Variants in MKS1 observed in about 807,000 individuals in gnomAD.
MKS1 encodes tectonic-like complex member MKS1.
In MKS1, 70 loss-of-function variants were observed where a neutral mutation model predicts 83.7. The observed-to-expected ratio is 0.84, with a 90% CI of 0.69 to 1.02. The LOEUF is 1.02. Among genes scored for constraint, MKS1 ranks in the 50% least tolerant of loss-of-function variants. MKS1 has a pLI of 0.00. For missense variants in MKS1, 681 were observed against 726.9 expected (o/e 0.94, Z 0.73); for synonymous variants, 251 against 273.4 (o/e 0.92, Z 0.81).
intron 8 of MKS1, 111 bp from the exon 9 acceptor site, chr17:58,212,545 G>A: frequency 2.5e-5 from 30 of 1,200,664 alleles, no homozygotes; most frequent in Non-Finnish European, 3.7e-5. Context: ...AAGAGCTGGA[G>A]GCGTAAGCAC....
At chr17:58,210,790 C>T (rs1968827908) in intron 10 of MKS1, 66 bp from the exon 11 acceptor site, 2 of 1,528,924 alleles carry the variant, frequency 1.3e-6, no homozygotes, top group Non-Finnish European at 1.8e-6. Flanking sequence ...CAACCCAATC[C>T]TGAGGGGCCT....
intron 9 of MKS1, among the ~76,000 whole-genome samples, chr17:58,211,949 T>C (rs68117086): frequency 0.33 from 49,602 of 152,022 alleles, 8,254 homozygotes; most frequent in African/African-American, 0.37. Context: ...AATATCCACA[T>C]GAAAGGTGAA....
intron 7 of MKS1, 48 bp downstream of exon 7, chr17:58,213,717 C>A (rs1969017652): frequency 6.9e-7 from 1 of 1,445,542 alleles, no homozygotes; most frequent in South Asian, 1.1e-5. Context: ...AAAGTGCAAC[C>A]AAGGGAAGGA....
rs372079593 is a variant in MKS1 at position 58,206,445 on chromosome 17, C to A, written c.1490+20G>T. 1 of 1,614,108 alleles carries A rather than the reference C, an allele frequency of 6.2e-7. No individual in the cohort carries two copies. Among genetic ancestry groups the A allele is most frequent in the Non-Finnish European group, 8.5e-7 (1 of 1,179,976 alleles). ...CCCTCAGGGCTAAGGTGCCCTGAGG[C>A]AGAGGGCCAAGTCACTCACCTGGAC... On this transcript the variant is annotated intron_variant, in intron 16 of 17. Transcript: ENST00000393119.
chr17:58,214,454 C>T lies in MKS1; in HGVS notation c.516-67G>A. On this transcript the variant is annotated intron_variant, in intron 5 of 17. Transcript: ENST00000393119. The stretch of plus-strand genomic sequence containing the variant: ...AATGGAGCACCCCAGTGGAGAGCCA[C>T]TTCAGAATGGGAAGTTTGAGCTAGT... The T allele has an allele frequency of 1.9e-6, 3 of 1,610,100 alleles. No individual in the cohort carries two copies. The South Asian group carries it at 3.3e-5, about 18-fold the overall frequency.
At chr17:58,207,760 G>A (rs1306804914) in intron 14 of MKS1, 134 bp downstream of exon 14, 1 of 881,642 alleles carries the variant, frequency 1.1e-6, no homozygotes, top group Non-Finnish European at 1.8e-6. Context: ...GTCCTCAGAG[G>A]AACAGGAACT....
At position 58,207,169 on chromosome 17, in the gene MKS1, C is replaced by G. The variant is rs781038098; in HGVS notation, c.1323G>C (p.Thr441=). The G allele has an allele frequency of 2.3e-5, 37 of 1,614,158 alleles. No individual in the cohort carries two copies. The highest frequency in any genetic ancestry group is 3.1e-5 in the Non-Finnish European group (36 of 1,180,030). Residue 441 remains threonine (T), a synonymous_variant, in exon 15 of 18, where the codon ACG becomes ACC. Transcript: ENST00000393119. The part of the protein sequence containing the change: ...VSTWRPVELG[T]VAELRRFFIG... ...TGAAAAACCTCCTCAGCTCAGCCACCGTGCCAAGCTCCACAGGTCTCCACG... is the reference window on the plus strand; with the variant it reads ...TGAAAAACCTCCTCAGCTCAGCCACGGTGCCAAGCTCCACAGGTCTCCACG...
In MKS1 at chr17:58,209,700, C is replaced by T. The variant is rs1490015031; in HGVS notation, c.1024+959G>A. Among the ~76,000 whole-genome samples the T allele has an allele frequency of 6.6e-6, 1 of 152,190 alleles. No homozygotes were observed. Among genetic ancestry groups the T allele is most frequent in the Non-Finnish European group, 1.5e-5 (1 of 68,036 alleles). ...TATGGAAGAGATAGGCAGGGGCCAG[C>T]TCATTCAGGGTATCAAGTTTACATT... On this transcript the variant is annotated intron_variant, in intron 11 of 17. Transcript: ENST00000393119. The surrounding 1 kb of genome is among the most constrained non-coding windows in gnomAD (Gnocchi z 4.1).
chr17:58,205,912 G>C lies in MKS1; in HGVS notation c.*167C>G. On this transcript the variant is annotated 3_prime_UTR_variant, in exon 18 of 18. Transcript: ENST00000393119. ...CTTTATTTCCACAGGGTAGGGAGAA[G>C]ACCCTGCAGAAGGCTAGGCAGAGGG... The C allele has an allele frequency of 1.4e-6, 2 of 1,477,062 alleles. No homozygotes were observed. Among genetic ancestry groups the C allele is most frequent in the South Asian group, 2.7e-5 (2 of 74,674 alleles). The allele number at this position is 1,477,062 out of a possible 1,614,324, so 91.5% of individuals were successfully genotyped here.
intron 13 of MKS1, 37 bp downstream of exon 13, chr17:58,208,068 G>A (rs756671420): frequency 6.2e-7 from 1 of 1,608,418 alleles, no homozygotes; most frequent in Non-Finnish European, 8.5e-7. Context: ...CTGCTTGAGG[G>A]GAACCAAGGC....
chr17:58,212,884 G>T, intron 8 of MKS1, 98 bp downstream of exon 8: 1 of 1,223,470 alleles, frequency 8.2e-7, no homozygotes. Context: ...GAAGGGCAAG[G>T]CTTTTCCCGA....
chr17:58,215,949 C>T, intron 4 of MKS1, 139 bp downstream of exon 4: 1 of 1,056,836 alleles, frequency 9.5e-7, no homozygotes, highest in Non-Finnish European at 1.5e-6. Context: ...TGGCTGCCAG[C>T]AGCAGCAGCT....
Position 58,205,592 on chromosome 17 carries a change from C to T in MKS1, c.*487G>A. 7.7e-7 allele frequency: 1 copy of T among 1,305,802 alleles called. No individual in the cohort carries two copies. Among genetic ancestry groups the T allele is most frequent in the Non-Finnish European group, 1.0e-6 (1 of 990,096 alleles). The allele number at this position is 1,305,802 out of a possible 1,614,324, so 80.9% of individuals were successfully genotyped here. On this transcript the variant is annotated 3_prime_UTR_variant, in exon 18 of 18. Coordinates refer to ENST00000393119, the MANE Select transcript of MKS1 (RefSeq NM_017777.4). ...AACTCATATCTCAACCTCAGCAAGC[C>T]CCAAGCAGTAGAATGAGGCTTCCCT... is the stretch of plus-strand genomic sequence containing the variant.
chr17:58,206,913 A>G lies in MKS1; in HGVS notation c.1407+172T>C, dbSNP rs1423542433. 4.6e-6 allele frequency: 4 copies of G among 874,324 alleles called. No homozygotes were observed. The African/African-American group carries it at 5.0e-5, about 11-fold the overall frequency. 54.2% of individuals were successfully genotyped at this position (874,324 alleles called of 1,614,324 possible). Reference sequence around the variant, plus strand: ...GAGACCTCCTACGATAGCAGTGTAGATATTGGAACCTGATTCAAAATGTGG... The same window carrying G: ...GAGACCTCCTACGATAGCAGTGTAGGTATTGGAACCTGATTCAAAATGTGG... On this transcript the variant is annotated intron_variant, in intron 15 of 17. Transcript: ENST00000393119.
At chr17:58,214,440 C>T in intron 5 of MKS1, 53 bp from the exon 6 acceptor site, 1 of 1,611,730 alleles carries the variant, frequency 6.2e-7, no homozygotes, top group East Asian at 2.2e-5. Flanking sequence ...ATGGAGCACC[C>T]CAGTGGAGAG....
chr17:58,217,277 C>T (rs934739177), intron 2 of MKS1, among the ~76,000 whole-genome samples: 2 of 152,214 alleles, frequency 1.3e-5, no homozygotes, highest in Non-Finnish European at 2.9e-5. Context: ...GCGTGGGCCA[C>T]GGCGCTCAGC....
At chr17:58,218,447 C>CAAAAA (rs67834721) in intron 2 of MKS1, 173 bp downstream of exon 2, 89 of 242,462 alleles carry the variant, frequency 3.7e-4, no homozygotes, top group African/African-American at 8.9e-4. Context: ...GACTCCGTCT[C>CAAAAA]AAAAAAAAAA....
Position 58,213,868 on chromosome 17 carries a change from GC to G in MKS1, c.645del (p.Lys215AsnfsTer14). On this transcript the variant is annotated frameshift_variant and splice_region_variant, in exon 7 of 18. Coordinates refer to ENST00000393119, the MANE Select transcript of MKS1 (RefSeq NM_017777.4). LOFTEE classifies it high-confidence loss of function. ...ACATGTTCATACTTCTTATAGCCAA[GC>G]CTAGAAATCAGGAAAACACCAAGGT... ...HIMADLGPYKKLGYKKYEHVL... is the reference protein window; with the variant it reads ...HIMADLGPYKXLGYKKYEHVL... 6.2e-7 allele frequency: 1 copy of G among 1,612,704 alleles called. No individual in the cohort carries two copies. Among genetic ancestry groups the G allele is most frequent in the Non-Finnish European group, 8.5e-7 (1 of 1,178,740 alleles).
rs566204379 is a variant in MKS1 at position 58,206,547 on chromosome 17, C to A, written c.1408G>T (p.Gly470Trp). The A allele has an allele frequency of 3.3e-5, 54 of 1,612,128 alleles. No individual in the cohort carries two copies. The South Asian group carries it at 5.5e-4, about 16-fold the overall frequency. ...SYVRIPGSFK[G>W]ERLSRFGLRT... The stretch of plus-strand genomic sequence containing the variant: ...AGTCCAAAGCGGCTCAGGCGTTCCC[C>A]CTGTGGCATGCCATTGGGACAGCCT... Residue 470 changes from glycine (G) to tryptophan (W), a missense_variant and splice_region_variant, in exon 16 of 18, where the codon GGG becomes TGG. Coordinates refer to ENST00000393119, the MANE Select transcript of MKS1 (RefSeq NM_017777.4).
Sources: gnomAD v4.1 joint callset for allele counts (sites outside exome capture counted in the v4.1 genomes callset) on GRCh38, gnomAD v4.1.1 for gene constraint, Gnocchi (gnomAD v3.1) non-coding constraint, MANE v1.5 for transcripts, NCBI Gene and HGNC (gene_info 2026-07-23, HGNC 2026-07-21) for gene names.